Variants in UPK3A observed in about 807,000 individuals in gnomAD.
The protein encoded by UPK3A is uroplakin-3a.
Under a neutral mutation model 27.6 loss-of-function variants are expected in UPK3A, and 32 were observed. The observed-to-expected ratio is 1.16, with a 90% confidence interval of 0.87 to 1.55. The LOEUF is 1.55. Among genes scored for constraint, UPK3A ranks in the 40% most tolerant of loss-of-function variants. UPK3A has a pLI of 0.00. For synonymous variants in UPK3A, 171 were observed against 163.9 expected, an observed-to-expected ratio of 1.04 and a Z score of -0.33; for missense variants, 370 against 367.9, an observed-to-expected ratio of 1.01 and a Z score of -0.05.
intron 1 of UPK3A, among the ~76,000 whole-genome samples, 163 bp from the exon 2 acceptor site, chr22:45,285,778 A>G (rs2084113402): frequency 1.3e-5 from 2 of 152,170 alleles, no homozygotes; most frequent in African/African-American, 4.8e-5. Flanking sequence ...ATTTCTGAGC[A>G]GGATGACTGG....
intron 2 of UPK3A, among the ~76,000 whole-genome samples, 187 bp downstream of exon 2, chr22:45,286,283 G>A (rs1290565203): frequency 1.3e-5 from 2 of 152,160 alleles, no homozygotes; most frequent in Non-Finnish European, 2.9e-5. Flanking sequence ...AACACCACCA[G>A]TCACTGAACA....
chr22:45,288,973 C>T (rs574992745), intron 3 of UPK3A, 88 bp from the exon 4 acceptor site: 12 of 1,346,232 alleles, frequency 8.9e-6, no homozygotes, highest in Non-Finnish European at 1.2e-5. Flanking sequence ...GTCTCCCACC[C>T]CTAGGCCATC....
At chr22:45,293,010 G>A (rs2084171689) in intron 4 of UPK3A, among the ~76,000 whole-genome samples, 171 bp from the exon 5 acceptor site, 1 of 152,008 alleles carries the variant, frequency 6.6e-6, no homozygotes, top group African/African-American at 2.4e-5. Flanking sequence ...AGTGGAATGT[G>A]GGGGAAAATA....
At chr22:45,285,257 C>A (rs370514135) in intron 1 of UPK3A, among the ~76,000 whole-genome samples, 192 bp downstream of exon 1, 5 of 152,318 alleles carry the variant, frequency 3.3e-5, no homozygotes, top group South Asian at 2.1e-4. Context: ...TGCAGCCCTG[C>A]GATGTGTGTT....
rs961380383 is a variant in UPK3A at position 45,285,983 on chromosome 22, C to T, written c.95C>T (p.Thr32Ile). The change falls in exon 2 of 6, where the codon ACC (threonine) becomes ATC (isoleucine). Residue 32 changes from threonine (T) to isoleucine (I), a missense_variant. By Grantham distance (89) the Thr-to-Ile change is moderately conservative. Coordinates refer to ENST00000216211, the MANE Select transcript of UPK3A (RefSeq NM_006953.4). ...CAACTGGCCAGTGTGACTTTCGCCA[C>T]CAACAACCCCACACTTACCACTGTG... ...QPQLASVTFATNNPTLTTVAL... is the reference protein window; with the variant it reads ...QPQLASVTFAINNPTLTTVAL... 6.2e-7 allele frequency: 1 copy of T among 1,614,050 alleles called. No homozygotes were observed. The highest frequency in any genetic ancestry group is 2.2e-5 in the East Asian group (1 of 44,896).
intron 2 of UPK3A, among the ~76,000 whole-genome samples, chr22:45,286,430 AG>A (rs2147792687): frequency 6.6e-6 from 1 of 152,246 alleles, no homozygotes; most frequent in South Asian, 2.1e-4. Flanking sequence ...TGGACCTCCC[AG>A]GGCTGGAGAG....
At position 45,292,300 on chromosome 22, in the gene UPK3A, G is replaced by C. The variant is rs1190034421; in HGVS notation, c.572-881G>C. ...GGGACAGCATGCACCTCAGGACCAG[G>C]CTGGCCCAGCTTGAGCCTGGATTCT... On this transcript the variant is annotated intron_variant, in intron 4 of 5. Coordinates refer to ENST00000216211, the MANE Select transcript of UPK3A (RefSeq NM_006953.4). 2.0e-5 allele frequency among the ~76,000 whole-genome samples: 3 copies of C among 152,332 alleles called. No homozygotes were observed. In the South Asian group the frequency reaches 6.2e-4, roughly 32 times the overall value.
Position 45,293,191 on chromosome 22 carries a change from C to T in UPK3A, c.582C>T (p.Tyr194=). 6.2e-7 allele frequency: 1 copy of T among 1,613,934 alleles called. No individual in the cohort carries two copies. The change falls in exon 5 of 6, where the codon TAC becomes TAT. Residue 194 remains tyrosine, a synonymous_variant. Coordinates refer to ENST00000216211, the MANE Select transcript of UPK3A (RefSeq NM_006953.4). The stretch of plus-strand genomic sequence containing the variant: ...TGCATCCCACCACAGTCACCCCATA[C>T]TCGACGATCGACACGTGGCCAGGCC... ...DPIRTNQLTP[Y]STIDTWPGRR...
chr22:45,291,161 G>A (rs997445721), intron 4 of UPK3A, among the ~76,000 whole-genome samples: 1 of 152,128 alleles, frequency 6.6e-6, no homozygotes, highest in African/African-American at 2.4e-5. Context: ...AAAAGGCTGG[G>A]GACTGCTGGT....
chr22:45,285,882 C>T (rs2084114153), intron 1 of UPK3A, 59 bp from the exon 2 acceptor site: 1 of 1,610,382 alleles, frequency 6.2e-7, no homozygotes, highest in Non-Finnish European at 8.5e-7. Context: ...TAACTGCAAG[C>T]AGAGTGGGTG....
intron 5 of UPK3A, 30 bp downstream of exon 5, chr22:45,293,343 C>T (rs1397185885): frequency 3.7e-6 from 6 of 1,612,382 alleles, no homozygotes; most frequent in Non-Finnish European, 5.1e-6. Flanking sequence ...GAGGGCTGGA[C>T]CCCAGGGACA....
intron 4 of UPK3A, among the ~76,000 whole-genome samples, chr22:45,289,795 C>T (rs2084147442): frequency 6.6e-6 from 1 of 151,902 alleles, no homozygotes; most frequent in Non-Finnish European, 1.5e-5. Flanking sequence ...TTCCTCCTTC[C>T]TCCTTTCCAT....
At chr22:45,289,924 G>A (rs939896978) in intron 4 of UPK3A, among the ~76,000 whole-genome samples, 7 of 152,136 alleles carry the variant, frequency 4.6e-5, no homozygotes, top group African/African-American at 1.7e-4. Context: ...CCTTACAGTG[G>A]GTTGGCCTCA....
Position 45,287,386 on chromosome 22 carries a change from C to T in UPK3A, c.423C>T (p.Thr141=), listed in dbSNP as rs1388578007. 6.2e-7 allele frequency: 1 copy of T among 1,612,812 alleles called. No homozygotes were observed. The highest frequency in any genetic ancestry group is 1.3e-5 in the African/African-American group (1 of 74,902). The change falls in exon 3 of 6, where the codon ACC becomes ACT. Residue 141 remains threonine (T), a synonymous_variant. Transcript: ENST00000216211. ...TGGTCAGGGTGGGTGCCAACGGGAC[C>T]TGCCTGTGGGATCCCAACTTCCAGG... is the stretch of plus-strand genomic sequence containing the variant. ...AYLVRVGANG[T]CLWDPNFQGL...
chr22:45,289,021 C>T lies in UPK3A; in HGVS notation c.489-40C>T, dbSNP rs765698959. On this transcript the variant is annotated intron_variant, in intron 3 of 5. Transcript: ENST00000216211. ...ACCGCCTCCCTGTGGGTGGGGCTCA[C>T]AGGAAGCATAAAAGTCACCCTGGCT... 1.9e-6 allele frequency: 3 copies of T among 1,606,810 alleles called. No homozygotes were observed. In the South Asian group the frequency reaches 3.3e-5, roughly 18 times the overall value.
At position 45,289,116 on chromosome 22, in the gene UPK3A, T is replaced by A; in HGVS notation, c.544T>A (p.Trp182Arg). ...GGGCTTGGTAGAGGACCAGACCCTG[T>A]GGTCAGACCCCATCCGCACCAACCA... is the stretch of plus-strand genomic sequence containing the variant. ...STGLVEDQTL[W>R]SDPIRTNQLT... The change falls in exon 4 of 6, where the codon TGG (tryptophan) becomes AGG (arginine). Residue 182 changes from tryptophan to arginine, a missense_variant. Transcript: ENST00000216211. 1 of 1,614,012 alleles carries A rather than the reference T, an allele frequency of 6.2e-7. No individual in the cohort carries two copies. The highest frequency in any genetic ancestry group is 1.1e-5 in the South Asian group (1 of 91,080).
chr22:45,288,983 C>T, intron 3 of UPK3A, 78 bp from the exon 4 acceptor site: 1 of 1,457,776 alleles, frequency 6.9e-7, no homozygotes, highest in East Asian at 2.3e-5. Context: ...CCTAGGCCAT[C>T]CTACATCCCC....
chr22:45,287,464 A>G lies in UPK3A; in HGVS notation c.488+13A>G, dbSNP rs1159319834. On this transcript the variant is annotated intron_variant, in intron 3 of 5. Transcript: ENST00000216211. ...CCACGGAGTACAGGTGGGTGTAAAC[A>G]AACCACTACAGGAGAGCCGCGGCAG... 3 of 1,581,046 alleles carry G rather than the reference A, an allele frequency of 1.9e-6. No individual in the cohort carries two copies. The highest frequency in any genetic ancestry group is 2.6e-6 in the Non-Finnish European group (3 of 1,163,654).
intron 4 of UPK3A, among the ~76,000 whole-genome samples, 167 bp from the exon 5 acceptor site, chr22:45,293,014 G>A (rs1211709554): frequency 6.6e-6 from 1 of 152,114 alleles, no homozygotes; most frequent in Non-Finnish European, 1.5e-5. Flanking sequence ...GAATGTGGGG[G>A]AAAATAAGGT....
Sources: gnomAD v4.1 joint callset for allele counts (sites outside exome capture counted in the v4.1 genomes callset) on GRCh38, gnomAD v4.1.1 for gene constraint, MANE v1.5 for transcripts, NCBI Gene and HGNC (gene_info 2026-07-23, HGNC 2026-07-21) for gene names.